Variants in BCKDHB observed in about 807,000 individuals in gnomAD.
BCKDHB encodes the protein 2-oxoisovalerate dehydrogenase subunit beta, mitochondrial.
BCKDHB carries 41 observed loss-of-function variants against 48.5 expected under a neutral mutation model. The ratio of observed to expected loss-of-function variants is 0.85; its 90% confidence interval spans 0.66 to 1.10. BCKDHB has a LOEUF of 1.10. Ranked by LOEUF, BCKDHB falls within the 50% of genes least tolerant of loss-of-function variation. The pLI, the probability that BCKDHB is intolerant of heterozygous loss-of-function variation, is 0.00. For synonymous variants in BCKDHB, 201 were observed against 174.8 expected (o/e 1.15, Z -1.18); for missense variants, 496 against 494.2 (o/e 1.00, Z -0.03).
chr6:80,307,071 A>T (rs1163790837), intron 9 of BCKDHB, among the ~76,000 whole-genome samples: 1 of 152,180 alleles, frequency 6.6e-6, no homozygotes, highest in Non-Finnish European at 1.5e-5. Flanking sequence ...ACTAGTAGCT[A>T]AGTCTGAGAC....
the BCKDHB span, among the ~76,000 whole-genome samples, chr6:80,405,890 A>G: frequency 6.6e-6 from 1 of 152,148 alleles, no homozygotes; most frequent in Non-Finnish European, 1.5e-5. Context: ...GGTTTGTTAC[A>G]CAGGTATACA....
chr6:80,280,247 A>G (rs1432626231), intron 9 of BCKDHB, among the ~76,000 whole-genome samples: 1 of 152,224 alleles, frequency 6.6e-6, no homozygotes, highest in Non-Finnish European at 1.5e-5. Context: ...AATATACTTT[A>G]TGGAGTTCTT....
intron 9 of BCKDHB, among the ~76,000 whole-genome samples, chr6:80,320,447 T>G (rs1479192004): frequency 6.6e-6 from 1 of 152,194 alleles, no homozygotes; most frequent in Non-Finnish European, 1.5e-5. Context: ...GTAGTGTTTT[T>G]CATGTTTGCT....
chr6:80,462,865 T>A, the BCKDHB span: 400 of 152,306 alleles, frequency 2.6e-3, 5 homozygotes, highest in African/African-American at 9.1e-3. Context: ...AAATTATTTG[T>A]CTATAGTTCT....
the BCKDHB span, among the ~76,000 whole-genome samples, chr6:80,410,605 T>C: frequency 4.6e-5 from 7 of 152,364 alleles, no homozygotes; most frequent in African/African-American, 1.7e-4. Flanking sequence ...TTTGGTCTTT[T>C]CACATAGTCC....
At chr6:80,374,459 C>T in the BCKDHB span, 3 of 755,798 alleles carry the variant, frequency 4.0e-6, no homozygotes, top group Non-Finnish European at 7.4e-6. Context: ...TATGCATACC[C>T]TTGATGGCCT....
downstream of BCKDHB, among the ~76,000 whole-genome samples, chr6:80,348,884 C>G (rs1200107603): frequency 3.3e-5 from 5 of 152,094 alleles, no homozygotes; most frequent in Non-Finnish European, 7.3e-5. Flanking sequence ...TTTAGAAACC[C>G]TGGCACCTCT....
the BCKDHB span, among the ~76,000 whole-genome samples, chr6:80,455,842 C>T: frequency 1.4e-3 from 207 of 152,234 alleles, no homozygotes; most frequent in Admixed American, 0.013. Flanking sequence ...GTCAAGAAGG[C>T]AAGCTAAAAA....
intron 8 of BCKDHB, among the ~76,000 whole-genome samples, chr6:80,263,535 T>TG (rs1412002469): frequency 1.3e-5 from 2 of 152,124 alleles, no homozygotes; most frequent in African/African-American, 4.8e-5. Flanking sequence ...CCAAAAGATT[T>TG]TAAGCCTTGC....
the BCKDHB span, among the ~76,000 whole-genome samples, chr6:80,386,745 G>T: frequency 6.6e-6 from 1 of 152,126 alleles, no homozygotes; most frequent in Non-Finnish European, 1.5e-5. Context: ...GTTCCTAGAA[G>T]TGAAATTGAT....
chr6:80,417,093 T>G, the BCKDHB span, among the ~76,000 whole-genome samples: 1 of 152,208 alleles, frequency 6.6e-6, no homozygotes, highest in Non-Finnish European at 1.5e-5. Flanking sequence ...ATTGAACTCT[T>G]GACCATTATG....
the BCKDHB span, among the ~76,000 whole-genome samples, chr6:80,402,158 A>T: frequency 6.6e-6 from 1 of 151,782 alleles, no homozygotes; most frequent in Non-Finnish European, 1.5e-5. Flanking sequence ...TGAATCATAT[A>T]GTAGTTCTAC....
At chr6:80,107,423 A>ATGTGTG (rs60917181) in intron 1 of BCKDHB, among the ~76,000 whole-genome samples, 15,456 of 72,950 alleles carry the variant, frequency 0.21, 1,074 homozygotes, top group South Asian at 0.48. Flanking sequence ...AATTGTGTGT[A>ATGTGTG]TGTGTGTGTG....
the BCKDHB span, among the ~76,000 whole-genome samples, chr6:80,429,943 G>A: frequency 1.9e-4 from 29 of 152,104 alleles, no homozygotes; most frequent in African/African-American, 2.9e-4. Flanking sequence ...GTCTCGTGCC[G>A]GTTTTCAAAG....
chr6:80,180,888 T>C lies in BCKDHB; in HGVS notation c.742+9498T>C, dbSNP rs765026968. 7.6e-4 allele frequency among the ~76,000 whole-genome samples: 116 copies of C among 152,314 alleles called. 1 individual carries two copies. Among genetic ancestry groups the C allele is most frequent in the Admixed American group, 3.7e-3 (56 of 15,306 alleles). ...CACTCACAAGAGTAAGTTGGATCCA[T>C]TAGTGGGAGAAATTGAATTCATTTG... is the stretch of plus-strand genomic sequence containing the variant. On this transcript the variant is annotated intron_variant, in intron 6 of 9. Coordinates refer to ENST00000320393, the MANE Select transcript of BCKDHB (RefSeq NM_183050.4).
chr6:80,309,798 C>T (rs1021131986), intron 9 of BCKDHB, among the ~76,000 whole-genome samples: 15 of 152,108 alleles, frequency 9.9e-5, no homozygotes, highest in African/African-American at 3.6e-4. Context: ...AGATTATTGG[C>T]CACACAGGTA....
chr6:80,297,762 A>G (rs1767328545), intron 9 of BCKDHB, among the ~76,000 whole-genome samples: 1 of 152,176 alleles, frequency 6.6e-6, no homozygotes, highest in South Asian at 2.1e-4. Context: ...TGCAGAGATG[A>G]GTATCTCCCA....
the BCKDHB span, among the ~76,000 whole-genome samples, chr6:80,422,043 G>C: frequency 6.6e-6 from 1 of 152,164 alleles, no homozygotes; most frequent in Non-Finnish European, 1.5e-5. Context: ...AGAGTTCTTT[G>C]TGGCAGCCTC....
the BCKDHB span, among the ~76,000 whole-genome samples, chr6:80,466,462 T>C: frequency 6.6e-6 from 1 of 152,140 alleles, no homozygotes; most frequent in Admixed American, 6.5e-5. Context: ...AAATATATTA[T>C]ACATTTGAAG....
Sources: allele counts gnomAD v4.1 joint callset (sites outside exome capture counted in the v4.1 genomes callset), GRCh38; gene constraint gnomAD v4.1.1; transcripts MANE v1.5; gene names NCBI Gene and HGNC (gene_info 2026-07-23, HGNC 2026-07-21).